AFG2A: variants seen among roughly 807,000 people sequenced by gnomAD.
AFG2A encodes AAA ATPase AFG2A.
the AFG2A span, among the ~76,000 whole-genome samples, chr4:123,257,521 T>C: frequency 6.6e-6 from 1 of 152,210 alleles, no homozygotes; most frequent in Non-Finnish European, 1.5e-5. Flanking sequence ...CTTTATATTT[T>C]TCAAGTCCAC....
At chr4:123,311,487 C>T in the AFG2A span, among the ~76,000 whole-genome samples, 11 of 151,928 alleles carry the variant, frequency 7.2e-5, no homozygotes, top group Middle Eastern at 3.4e-3. Context: ...ACTAGCCAGG[C>T]GTGGTGGCAC....
chr4:123,176,566 G>C, the AFG2A span, among the ~76,000 whole-genome samples: 1 of 152,126 alleles, frequency 6.6e-6, no homozygotes, highest in Non-Finnish European at 1.5e-5. Context: ...ATGTATACAA[G>C]ACCCTATACC....
the AFG2A span, among the ~76,000 whole-genome samples, chr4:123,131,124 G>A: frequency 7.2e-5 from 11 of 151,988 alleles, no homozygotes; most frequent in African/African-American, 2.4e-4. Context: ...TTTTCTTTAC[G>A]TATTCTGGAT....
the AFG2A span, among the ~76,000 whole-genome samples, chr4:123,015,740 C>T: frequency 6.6e-6 from 1 of 150,568 alleles, no homozygotes; most frequent in Non-Finnish European, 1.5e-5. Context: ...AGAGGGGCTC[C>T]TCACTTCCCA....
the AFG2A span, among the ~76,000 whole-genome samples, chr4:122,944,861 G>A: frequency 7.2e-5 from 11 of 152,122 alleles, no homozygotes; most frequent in Non-Finnish European, 1.0e-4. Context: ...AACAGACAGG[G>A]CCCTCAGCTG....
the AFG2A span, chr4:123,056,364 A>G: frequency 1.4e-5 from 23 of 1,604,450 alleles, no homozygotes; most frequent in Non-Finnish European, 1.8e-5. Flanking sequence ...AAGACACTGA[A>G]CAGTTGTTTT....
chr4:123,010,739 C>T, the AFG2A span, among the ~76,000 whole-genome samples: 5 of 152,324 alleles, frequency 3.3e-5, no homozygotes, highest in South Asian at 4.1e-4. Context: ...ACCACGTAGG[C>T]TTGCTTACTT....
the AFG2A span, among the ~76,000 whole-genome samples, chr4:123,173,703 A>T: frequency 6.6e-6 from 1 of 152,194 alleles, no homozygotes; most frequent in Non-Finnish European, 1.5e-5. Flanking sequence ...GGATGGTTTA[A>T]CATTTAAAAA....
the AFG2A span, among the ~76,000 whole-genome samples, chr4:123,017,225 G>A: frequency 3.6e-5 from 5 of 139,088 alleles, no homozygotes; most frequent in African/African-American, 1.1e-4. Context: ...GGGAGAGGGG[G>A]GAGAGGGAAA....
At chr4:123,109,790 T>G in the AFG2A span, among the ~76,000 whole-genome samples, 1 of 152,166 alleles carries the variant, frequency 6.6e-6, no homozygotes, top group Non-Finnish European at 1.5e-5. Context: ...TTTGTCTATT[T>G]TGAGCAAGGA....
chr4:123,158,872 A>G, the AFG2A span, among the ~76,000 whole-genome samples: 2 of 152,236 alleles, frequency 1.3e-5, no homozygotes, highest in African/African-American at 4.8e-5. Flanking sequence ...TTCAGCTGCT[A>G]AAATTACAAT....
the AFG2A span, among the ~76,000 whole-genome samples, chr4:122,976,273 T>C: frequency 1.3e-5 from 2 of 152,230 alleles, no homozygotes; most frequent in African/African-American, 4.8e-5. Flanking sequence ...AGTGACTTAC[T>C]GTCTTCTAGA....
At chr4:123,162,485 G>A in the AFG2A span, among the ~76,000 whole-genome samples, 1 of 152,098 alleles carries the variant, frequency 6.6e-6, no homozygotes, top group African/African-American at 2.4e-5. Context: ...TATTTTATTA[G>A]TATCTCTAAT....
the AFG2A span, among the ~76,000 whole-genome samples, chr4:123,081,036 CT>C: frequency 1.1e-4 from 17 of 152,148 alleles, no homozygotes; most frequent in Admixed American, 3.9e-4. Flanking sequence ...AACACACAAC[CT>C]CCCCAGCTGT....
At chr4:122,976,068 T>G in the AFG2A span, among the ~76,000 whole-genome samples, 1 of 152,184 alleles carries the variant, frequency 6.6e-6, no homozygotes, top group African/African-American at 2.4e-5. Context: ...AACAAAATGA[T>G]GGAGTGGTAT....
the AFG2A span, among the ~76,000 whole-genome samples, chr4:123,284,735 T>C: frequency 6.6e-6 from 1 of 152,128 alleles, no homozygotes; most frequent in Non-Finnish European, 1.5e-5. Context: ...GTTGCAATTG[T>C]TGGGGGATTA....
the AFG2A span, among the ~76,000 whole-genome samples, chr4:123,110,794 A>T: frequency 6.6e-6 from 1 of 152,184 alleles, no homozygotes; most frequent in East Asian, 1.9e-4. Context: ...ATTACTGCTC[A>T]AAGAGATTAA....
chr4:123,168,925 T>C, the AFG2A span, among the ~76,000 whole-genome samples: 1 of 152,214 alleles, frequency 6.6e-6, no homozygotes, highest in Non-Finnish European at 1.5e-5. Flanking sequence ...TATGACATGA[T>C]TTGTTTTAGA....
chr4:122,957,151 G>C, the AFG2A span, among the ~76,000 whole-genome samples: 1 of 152,134 alleles, frequency 6.6e-6, no homozygotes, highest in Non-Finnish European at 1.5e-5. Context: ...ATTAGAAAAA[G>C]GAAAGGGAGA....
Sources: allele counts gnomAD v4.1 joint callset (sites outside exome capture counted in the v4.1 genomes callset), GRCh38; gene constraint gnomAD v4.1.1; transcripts MANE v1.5; gene names NCBI Gene and HGNC (gene_info 2026-07-23, HGNC 2026-07-21).